The following DNAH9 variants were observed in gnomAD, a reference collection of about 807,000 sequenced individuals.
The protein encoded by DNAH9 is dynein axonemal heavy chain 9.
In DNAH9, 345 loss-of-function variants were observed where a neutral mutation model predicts 471.6. That is an observed-to-expected ratio of 0.73 (90% CI 0.67 to 0.80). The LOEUF is 0.80. Among genes scored for constraint, DNAH9 ranks in the 30% least tolerant of loss-of-function variants. DNAH9 has a pLI of 0.00. For synonymous variants in DNAH9, 2,093 were observed against 2,123.6 expected (o/e 0.99, Z 0.40); for missense variants, 5,407 against 5,609.2 (o/e 0.96, Z 1.15).
rs1973462334 is a variant in DNAH9, at chr17:11,902,927, G to A, written c.11600+15G>A. On this transcript the variant is annotated intron_variant, in intron 60 of 68. Coordinates refer to ENST00000262442, the MANE Select transcript of DNAH9 (RefSeq NM_001372.4). ...TATGCTTTGCGGTAGGAAACAGGGT[G>A]GTGGAAGGCCCAGCATAGGCATGGG... 6.2e-7 allele frequency: 1 copy of A among 1,609,248 alleles called. No individual in the cohort carries two copies. Among genetic ancestry groups the A allele is most frequent in the African/African-American group, 1.3e-5 (1 of 74,836 alleles).
At chr17:11,922,078 A>G (rs1974155925) in intron 61 of DNAH9, among the ~76,000 whole-genome samples, 1 of 152,220 alleles carries the variant, frequency 6.6e-6, no homozygotes, top group Non-Finnish European at 1.5e-5. Context: ...ACTAAGATTT[A>G]TAATTTAATA....
At chr17:11,772,366 A>G (rs1968242330) in intron 38 of DNAH9, among the ~76,000 whole-genome samples, 1 of 152,210 alleles carries the variant, frequency 6.6e-6, no homozygotes, top group Non-Finnish European at 1.5e-5. Context: ...AGCAAGGAAG[A>G]GAAGATGAGT....
chr17:11,847,819 C>T (rs114565498), intron 49 of DNAH9, among the ~76,000 whole-genome samples: 1 of 152,108 alleles, frequency 6.6e-6, no homozygotes, highest in Admixed American at 6.6e-5. Flanking sequence ...ACTGCCTTTG[C>T]CCTCTAGGTT....
At chr17:11,862,673 G>C (rs1971903149) in intron 50 of DNAH9, among the ~76,000 whole-genome samples, 2 of 152,074 alleles carry the variant, frequency 1.3e-5, no homozygotes, top group African/African-American at 4.8e-5. Context: ...TCTTCCATTT[G>C]TTTGTATCCT....
intron 48 of DNAH9, among the ~76,000 whole-genome samples, chr17:11,823,496 G>T (rs901397104): frequency 3.9e-5 from 6 of 152,138 alleles, no homozygotes; most frequent in Admixed American, 3.9e-4. Context: ...TGGCTGCAGG[G>T]TTATACTATT....
Position 11,739,001 on chromosome 17 carries a change from G to A in DNAH9, c.5936G>A (p.Arg1979His), listed in dbSNP as rs1340228519. The part of the protein sequence containing the change: ...FITMNPGYAG[R>H]TELPENLKSL... ...ACCATGAACCCAGGCTATGCTGGCC[G>A]CACAGAGCTGCCAGAGAATCTCAAG... The change falls in exon 29 of 69, where the codon CGC (arginine) becomes CAC (histidine). Residue 1979 changes from arginine (R) to histidine (H), a missense_variant. Around this residue, in one of 3 missense-constraint regions of DNAH9, gnomAD observed 4,636 missense variants for 4,900.3 expected, o/e 0.95. Transcript: ENST00000262442. 6.2e-6 allele frequency: 10 copies of A among 1,613,840 alleles called. No homozygotes were observed. The highest frequency in any genetic ancestry group is 4.5e-5 in the East Asian group (2 of 44,872).
At chr17:11,619,010 T>G (rs886707002) in intron 5 of DNAH9, among the ~76,000 whole-genome samples, 2 of 152,106 alleles carry the variant, frequency 1.3e-5, no homozygotes, top group African/African-American at 4.8e-5. Flanking sequence ...AAAGAAAACA[T>G]ATTGGCTCAT....
chr17:11,956,727 T>C (rs945118028), intron 67 of DNAH9, among the ~76,000 whole-genome samples: 2 of 151,566 alleles, frequency 1.3e-5, no homozygotes, highest in Middle Eastern at 3.2e-3. Context: ...TCTAACTATA[T>C]TGAATAAAAT....
chr17:11,919,147 G>C (rs899065523), intron 61 of DNAH9, among the ~76,000 whole-genome samples: 10 of 152,086 alleles, frequency 6.6e-5, no homozygotes, highest in African/African-American at 2.4e-4. Flanking sequence ...GTGTCCACCA[G>C]AGGGCATGTT....
intron 38 of DNAH9, among the ~76,000 whole-genome samples, chr17:11,779,441 T>C (rs1236917241): frequency 1.4e-4 from 22 of 152,194 alleles, no homozygotes; most frequent in Admixed American, 1.4e-3. Flanking sequence ...AATGTGCCTG[T>C]CTTTCCTGGT....
chr17:11,760,503 T>C (rs1228406556), intron 35 of DNAH9, among the ~76,000 whole-genome samples: 1 of 152,050 alleles, frequency 6.6e-6, no homozygotes, highest in African/African-American at 2.4e-5. Flanking sequence ...GTAATGTCTT[T>C]TGTTGTTAGT....
Position 11,783,657 on chromosome 17 carries a change from G to A in DNAH9, c.7730G>A (p.Ser2577Asn), listed in dbSNP as rs752416775. 3 of 1,613,906 alleles carry A rather than the reference G, an allele frequency of 1.9e-6. No homozygotes were observed. In the Admixed American group the frequency reaches 5.0e-5, roughly 27 times the overall value. Residue 2577 changes from serine (S) to asparagine (N), a missense_variant, in exon 40 of 69, where the codon AGC becomes AAC. Ser to Asn is a conservative substitution (Grantham distance 46). Coordinates refer to ENST00000262442, the MANE Select transcript of DNAH9 (RefSeq NM_001372.4). ...TCTGACTGTTCCAGGTATGATCGGA[G>A]CAAGCTGTCCCTAAAGGAGATCACA... ...HLDYGHWYDRSKLSLKEITNV... is the reference protein window; with the variant it reads ...HLDYGHWYDRNKLSLKEITNV...
intron 12 of DNAH9, among the ~76,000 whole-genome samples, chr17:11,649,942 A>G (rs181829936): frequency 4.6e-5 from 7 of 152,290 alleles, no homozygotes; most frequent in Admixed American, 3.9e-4. Flanking sequence ...TAAATGGCCA[A>G]ATATGTTGGC....
chr17:11,610,673 C>T, intron 3 of DNAH9, 119 bp downstream of exon 3: 1 of 901,424 alleles, frequency 1.1e-6, no homozygotes, highest in Non-Finnish European at 1.7e-6. Flanking sequence ...TATTTCACAT[C>T]ATCAGTGGGG....
chr17:11,822,590 G>A lies in DNAH9; in HGVS notation c.9003G>A (p.Glu3001=). 1 of 1,614,128 alleles carries A rather than the reference G, an allele frequency of 6.2e-7. No homozygotes were observed. The highest frequency in any genetic ancestry group is 8.5e-7 in the Non-Finnish European group (1 of 1,180,022). The change falls in exon 47 of 69, where the codon GAG becomes GAA. Residue 3001 remains glutamate (E), a synonymous_variant. Transcript: ENST00000262442. Reference sequence around the variant, plus strand: ...GCCTCCGCTTCTTGCAGAACACAGAGGGCATTGAGGTGAGAGAGAAAAGGA... The same window carrying A: ...GCCTCCGCTTCTTGCAGAACACAGAAGGCATTGAGGTGAGAGAGAAAAGGA... ...SVSLRFLQNT[E]GIEPTVKQSI...
At chr17:11,869,956 G>T (rs536971675) in intron 51 of DNAH9, among the ~76,000 whole-genome samples, 2 of 152,352 alleles carry the variant, frequency 1.3e-5, no homozygotes, top group South Asian at 4.1e-4. Flanking sequence ...AGGCCCCCGA[G>T]ATGACTTCCT....
rs34987580 is a variant in DNAH9, at chr17:11,874,757, G to GA, written c.10243-182dup. ...TCTGCAGTTATTCATCCATGGAGGG[G>GA]AAAAAAAAAAGCTATCAGGACTTTA... On this transcript the variant is annotated intron_variant, in intron 52 of 68. Coordinates refer to ENST00000262442, the MANE Select transcript of DNAH9 (RefSeq NM_001372.4). Among the ~76,000 whole-genome samples the GA allele has an allele frequency of 0.42, 62,172 of 148,866 alleles. 13,122 individuals are homozygous for GA. Among genetic ancestry groups the GA allele is most frequent in the Non-Finnish European group, 0.47 (31,632 of 67,184 alleles).
rs374823112 is a variant in DNAH9, at chr17:11,834,538, G to A, written c.9247-100G>A. The A allele has an allele frequency of 1.8e-5, 26 of 1,413,234 alleles. No individual in the cohort carries two copies. In the East Asian group the frequency reaches 3.7e-4, roughly 20 times the overall value. The allele number at this position is 1,413,234 out of a possible 1,614,324, so 87.5% of individuals were successfully genotyped here. A position where few individuals can be genotyped will look rare whatever the true frequency, so the allele number is the denominator to read the frequency against. On this transcript the variant is annotated intron_variant, in intron 48 of 68. Coordinates refer to ENST00000262442, the MANE Select transcript of DNAH9 (RefSeq NM_001372.4). Reference sequence around the variant, plus strand: ...GCTGTCATCTATTCTGCTCCACAGAGTTGGGTCCTCAGGTCATGCCCAACA... The same window carrying A: ...GCTGTCATCTATTCTGCTCCACAGAATTGGGTCCTCAGGTCATGCCCAACA...
chr17:11,728,286 G>C (rs2075192430), intron 28 of DNAH9, among the ~76,000 whole-genome samples: 1 of 152,108 alleles, frequency 6.6e-6, no homozygotes, highest in Admixed American at 6.6e-5. Context: ...TTAAATTTCA[G>C]TTATTTTATT....
Sources: allele counts gnomAD v4.1 joint callset (sites outside exome capture counted in the v4.1 genomes callset), GRCh38; gene constraint gnomAD v4.1.1; regional missense constraint gnomAD v4.1.1; transcripts MANE v1.5; gene names NCBI Gene and HGNC (gene_info 2026-07-23, HGNC 2026-07-21).